ADD2: variants seen among roughly 807,000 people sequenced by gnomAD.
ADD2 encodes beta-adducin.
In ADD2, 23 loss-of-function variants were observed where a neutral mutation model predicts 83.0. The ratio of observed to expected loss-of-function variants is 0.28; its 90% CI spans 0.20 to 0.39. The LOEUF is 0.39. Ranked by LOEUF, ADD2 falls within the 10% of genes least tolerant of loss-of-function variation. The pLI, the probability that ADD2 is intolerant of heterozygous loss-of-function variation, is 1.00. For missense variants in ADD2, 758 were observed against 944.9 expected, an observed-to-expected ratio of 0.80 and a Z score of 2.59; for synonymous variants, 375 against 375.4, an observed-to-expected ratio of 1.00 and a Z score of 0.01.
chr2:70,756,201 T>G (rs1462408782), intron 1 of ADD2, among the ~76,000 whole-genome samples: 4 of 151,972 alleles, frequency 2.6e-5, no homozygotes, highest in Non-Finnish European at 5.9e-5. Flanking sequence ...CGGTCCCCAG[T>G]CAGGCACTCA....
In ADD2 at chr2:70,676,436, C is replaced by A. The variant is rs1408867370; in HGVS notation, c.1593+360G>T. On this transcript the variant is annotated intron_variant, in intron 13 of 15. Transcript: ENST00000264436. The surrounding 1 kb of genome is among the most constrained non-coding windows in gnomAD (Gnocchi z 4.8). ...TCAGAGACTCTCAGGGCTGGGCACA[C>A]CTGGGGCACCTGGGAGTCTCCAGCC... 1 of 1,227,944 alleles carries A rather than the reference C, an allele frequency of 8.1e-7. No homozygotes were observed. Among genetic ancestry groups the A allele is most frequent in the Non-Finnish European group, 1.0e-6 (1 of 979,844 alleles). 76.1% of individuals were successfully genotyped at this position (1,227,944 alleles called of 1,614,324 possible). A position where few individuals can be genotyped will look rare whatever the true frequency, so the allele number is the denominator to read the frequency against.
chr2:70,736,657 A>G (rs1673578344), intron 1 of ADD2, among the ~76,000 whole-genome samples: 4 of 152,222 alleles, frequency 2.6e-5, no homozygotes, highest in Admixed American at 6.5e-5. Context: ...AACTTTTCAT[A>G]TACTTTTCAA....
intron 1 of ADD2, among the ~76,000 whole-genome samples, chr2:70,738,387 AGACT>A (rs1164728689): frequency 1.3e-5 from 2 of 152,216 alleles, no homozygotes; most frequent in Non-Finnish European, 2.9e-5. Context: ...GAGATCTATG[AGACT>A]GAAAAGAGAA....
rs574021853 is a variant in ADD2 at position 70,756,823 on chromosome 2, G to GT, written c.-154+11062dup. ...GTGCAAGTAAGCTTCAACCTTGAGG[G>GT]TTTTTTGTTTGTTTTTCCTTTTGAA... On this transcript the variant is annotated intron_variant, in intron 1 of 15. Coordinates refer to ENST00000264436, the MANE Select transcript of ADD2 (RefSeq NM_001617.4). 2.1e-3 allele frequency among the ~76,000 whole-genome samples: 315 copies of GT among 152,132 alleles called. 2 individuals carry two copies. The highest frequency in any genetic ancestry group is 7.3e-3 in the African/African-American group (301 of 41,510).
At chr2:70,759,298 G>T (rs905010624) in intron 1 of ADD2, among the ~76,000 whole-genome samples, 19 of 152,192 alleles carry the variant, frequency 1.2e-4, no homozygotes, top group African/African-American at 4.3e-4. Context: ...ATTTACTGCT[G>T]GGTGGAATAG....
intron 1 of ADD2, among the ~76,000 whole-genome samples, chr2:70,740,611 TG>T (rs782390883): frequency 8.1e-5 from 12 of 148,024 alleles, no homozygotes; most frequent in Non-Finnish European, 1.8e-4. Flanking sequence ...GAGTTTTTGT[TG>T]TCTTGTTTTT....
intron 4 of ADD2, 58 bp downstream of exon 4, chr2:70,704,263 T>TGCCCCCCCC: frequency 1.2e-4 from 110 of 913,226 alleles, no homozygotes; most frequent in Middle Eastern, 5.8e-4. Context: ...CTCCCTCTCT[T>TGCCCCCCCC]CCCCACCCCA....
At chr2:70,695,437 T>C (rs1286401240) in intron 6 of ADD2, among the ~76,000 whole-genome samples, 2 of 151,686 alleles carry the variant, frequency 1.3e-5, no homozygotes, top group Non-Finnish European at 2.9e-5. Context: ...ACCATTGTGG[T>C]CTAATCCCAG....
At chr2:70,751,933 C>T (rs12713712) in intron 1 of ADD2, among the ~76,000 whole-genome samples, 103,972 of 152,024 alleles carry the variant, frequency 0.68, 37,450 homozygotes, top group African/African-American at 0.91. Context: ...ATGGGAAATA[C>T]AAGAGTCGCC....
intron 9 of ADD2, among the ~76,000 whole-genome samples, chr2:70,686,991 G>A (rs1473510896): frequency 2.6e-5 from 4 of 152,186 alleles, no homozygotes; most frequent in African/African-American, 9.6e-5. Context: ...CTCTGCCTAG[G>A]CCAGCCAGGA....
intron 6 of ADD2, among the ~76,000 whole-genome samples, chr2:70,694,376 A>G (rs1057166778): frequency 5.9e-5 from 9 of 152,134 alleles, no homozygotes; most frequent in African/African-American, 9.7e-5. Context: ...ATCTTTCTAC[A>G]ACAGAAATCT....
chr2:70,711,613 G>A (rs1314160314), intron 2 of ADD2, among the ~76,000 whole-genome samples: 1 of 152,132 alleles, frequency 6.6e-6, no homozygotes, highest in African/African-American at 2.4e-5. Flanking sequence ...GCAAGGTGTG[G>A]GGGAACTTCC....
chr2:70,754,266 G>C (rs545871189), intron 1 of ADD2, among the ~76,000 whole-genome samples: 1 of 151,980 alleles, frequency 6.6e-6, no homozygotes, highest in Non-Finnish European at 1.5e-5. Flanking sequence ...GAAACCAATC[G>C]AATTGAACAA....
At chr2:70,766,423 T>C (rs1675384697) in intron 1 of ADD2, among the ~76,000 whole-genome samples, 1 of 152,190 alleles carries the variant, frequency 6.6e-6, no homozygotes, top group Non-Finnish European at 1.5e-5. Context: ...TATTAAATGG[T>C]CTAAACCCCC....
At chr2:70,750,865 T>C (rs1275451466) in intron 1 of ADD2, among the ~76,000 whole-genome samples, 3 of 152,166 alleles carry the variant, frequency 2.0e-5, no homozygotes, top group Non-Finnish European at 4.4e-5. Flanking sequence ...TGTCCAGGAA[T>C]GAGAATTAAG....
intron 12 of ADD2, 24 bp downstream of exon 12, chr2:70,677,734 G>C: frequency 6.2e-7 from 1 of 1,609,464 alleles, no homozygotes; most frequent in Non-Finnish European, 8.5e-7. Context: ...AGAAGAAAGA[G>C]TGGGATAAAC....
intron 1 of ADD2, among the ~76,000 whole-genome samples, chr2:70,723,877 A>G (rs1315534868): frequency 3.3e-5 from 5 of 152,240 alleles, no homozygotes; most frequent in African/African-American, 1.2e-4. Context: ...ACTAAGGCCA[A>G]AAACCATGAA....
At chr2:70,687,990 C>T in intron 9 of ADD2, 34 bp downstream of exon 9, 3 of 1,576,480 alleles carry the variant, frequency 1.9e-6, no homozygotes, top group Non-Finnish European at 2.6e-6. Flanking sequence ...TCAGAGCCCA[C>T]TCCTGGGCCC....
At chr2:70,681,548 G>A (rs542802116) in intron 10 of ADD2, among the ~76,000 whole-genome samples, 11 of 152,264 alleles carry the variant, frequency 7.2e-5, no homozygotes, top group African/African-American at 2.2e-4. Flanking sequence ...GGCCAGCCTC[G>A]CATCAGTTAA....
Sources: gnomAD v4.1 joint callset for allele counts (sites outside exome capture counted in the v4.1 genomes callset) on GRCh38, gnomAD v4.1.1 for gene constraint, Gnocchi (gnomAD v3.1) non-coding constraint, MANE v1.5 for transcripts, NCBI Gene and HGNC (gene_info 2026-07-23, HGNC 2026-07-21) for gene names.